Variants in CSF1R observed in about 807,000 individuals in gnomAD.
CSF1R encodes macrophage colony-stimulating factor 1 receptor.
A neutral mutation model predicts 110.0 loss-of-function variants in CSF1R; 40 were observed. That is an observed-to-expected ratio of 0.36 (90% CI 0.28 to 0.47). The LOEUF is 0.47. Ranked by LOEUF, CSF1R falls within the 20% of genes least tolerant of loss-of-function variation. The pLI is 0.99. For missense variants in CSF1R, 1,052 were observed against 1,253.0 expected (o/e 0.84, Z 2.42); for synonymous variants, 523 against 503.4 (o/e 1.04, Z -0.52).
intron 14 of CSF1R, among the ~76,000 whole-genome samples, chr5:150,058,983 T>G (rs1030914502): frequency 3.5e-4 from 54 of 152,166 alleles, no homozygotes; most frequent in Non-Finnish European, 7.2e-4. Flanking sequence ...CATGTGGCTC[T>G]GTCTGTTGGA....
chr5:150,079,804 G>A (rs1043658600), intron 3 of CSF1R, among the ~76,000 whole-genome samples: 3 of 152,216 alleles, frequency 2.0e-5, no homozygotes, highest in Non-Finnish European at 2.9e-5. Context: ...TATTTTTGTA[G>A]CATGTCCAAT....
chr5:150,084,323 T>G (rs1476495982), intron 1 of CSF1R, among the ~76,000 whole-genome samples: 1 of 128,390 alleles, frequency 7.8e-6, no homozygotes. Context: ...AGAGCAAGAC[T>G]CGGTCTCAAA....
At position 150,053,841 on chromosome 5, in the gene CSF1R, G is replaced by T. The variant is rs1032006548; in HGVS notation, c.*228C>A. The T allele has an allele frequency of 6.8e-6, 4 of 590,400 alleles. No individual in the cohort carries two copies. The highest frequency in any genetic ancestry group is 2.8e-5 in the East Asian group (1 of 35,218). 36.6% of individuals were successfully genotyped at this position (590,400 alleles called of 1,614,324 possible). Reference sequence around the variant, plus strand: ...ACCATGAGAACAGTAGGGGAGGGGGGGGTGAGGGCTCAGCCCCCAGCCCCT... The same window carrying T: ...ACCATGAGAACAGTAGGGGAGGGGGTGGTGAGGGCTCAGCCCCCAGCCCCT... On this transcript the variant is annotated 3_prime_UTR_variant, in exon 21 of 21. Transcript: ENST00000675795.
chr5:150,053,800 C>T lies in CSF1R; in HGVS notation c.*269G>A. On this transcript the variant is annotated 3_prime_UTR_variant, in exon 21 of 21. Coordinates refer to ENST00000675795, the MANE Select transcript of CSF1R (RefSeq NM_001288705.3). ...AAGAAGGTTCTACTAGTTGGCATAG[C>T]AAACACGAGGCCAACACCATGAGAA... 1.8e-6 allele frequency: 1 copy of T among 544,418 alleles called. No individual in the cohort carries two copies. Among genetic ancestry groups the T allele is most frequent in the East Asian group, 3.2e-5 (1 of 31,606 alleles). 33.7% of individuals were successfully genotyped at this position (544,418 alleles called of 1,614,324 possible). A position where few individuals can be genotyped will look rare whatever the true frequency, so the allele number is the denominator to read the frequency against.
chr5:150,101,567 G>T (rs1019377586), intron 1 of CSF1R, among the ~76,000 whole-genome samples: 4 of 152,010 alleles, frequency 2.6e-5, no homozygotes, highest in Non-Finnish European at 4.4e-5. Context: ...CAATCAGCAG[G>T]TCCACCAGTC....
chr5:150,053,960 T>G lies in CSF1R; in HGVS notation c.*109A>C. On this transcript the variant is annotated 3_prime_UTR_variant, in exon 21 of 21. Coordinates refer to ENST00000675795, the MANE Select transcript of CSF1R (RefSeq NM_001288705.3). The stretch of plus-strand genomic sequence containing the variant: ...AAGTTTCAGAGCTGGGCCGAGCTGT[T>G]GAGTGAAATGACCGAAGGCAGAGTT... 1 of 1,128,934 alleles carries G rather than the reference T, an allele frequency of 8.9e-7. No individual in the cohort carries two copies. Among genetic ancestry groups the G allele is most frequent in the Non-Finnish European group, 1.3e-6 (1 of 775,896 alleles). The allele number at this position is 1,128,934 out of a possible 1,614,324, so 69.9% of individuals were successfully genotyped here.
At chr5:150,056,160 T>C (rs1018009623) in intron 17 of CSF1R, 23 bp from the exon 18 acceptor site, 1 of 1,614,126 alleles carries the variant, frequency 6.2e-7, no homozygotes, top group Non-Finnish European at 8.5e-7. Context: ...TCCCCAGTTA[T>C]TTTGGGCCCC....
At chr5:150,092,211 G>A (rs1188295355) in intron 1 of CSF1R, among the ~76,000 whole-genome samples, 1 of 152,312 alleles carries the variant, frequency 6.6e-6, no homozygotes, top group African/African-American at 2.4e-5. Flanking sequence ...AAAACAGGAG[G>A]CAGGCTACAT....
At chr5:150,078,058 C>A in intron 4 of CSF1R, 54 bp downstream of exon 4, 7 of 1,606,718 alleles carry the variant, frequency 4.4e-6, no homozygotes, top group Non-Finnish European at 5.1e-6. Context: ...CCATGGGAAA[C>A]CTGGTGTGCT....
intron 1 of CSF1R, among the ~76,000 whole-genome samples, chr5:150,097,957 G>A (rs1448769119): frequency 1.3e-5 from 2 of 152,162 alleles, no homozygotes; most frequent in African/African-American, 4.8e-5. Context: ...AAATAATTTA[G>A]GAAAAGAACA....
At chr5:150,099,243 T>C (rs1213710723) in intron 1 of CSF1R, among the ~76,000 whole-genome samples, 1 of 151,986 alleles carries the variant, frequency 6.6e-6, no homozygotes, top group Non-Finnish European at 1.5e-5. Flanking sequence ...ATATATGTAT[T>C]GGTAGTCAGG....
intron 1 of CSF1R, among the ~76,000 whole-genome samples, chr5:150,099,037 G>A (rs1014980981): frequency 3.3e-5 from 5 of 150,392 alleles, no homozygotes; most frequent in African/African-American, 7.3e-5. Flanking sequence ...GGGATTGCAG[G>A]TGCCCGCCAC....
At chr5:150,054,765 T>C (rs1757118527) in intron 19 of CSF1R, 4 of 280,832 alleles carry the variant, frequency 1.4e-5, no homozygotes, top group African/African-American at 2.2e-5. Flanking sequence ...TGCAGGAGGA[T>C]TGCATAAGGC....
intron 14 of CSF1R, chr5:150,058,207 T>C (rs1400385491): frequency 2.2e-6 from 1 of 456,124 alleles, no homozygotes. Flanking sequence ...AATGCAGATT[T>C]TGAATCAGCA....
At chr5:150,078,079 C>G (rs1016220865) in intron 4 of CSF1R, 33 bp downstream of exon 4, 1 of 1,612,114 alleles carries the variant, frequency 6.2e-7, no homozygotes. Flanking sequence ...GGGAGGATGG[C>G]CAGACTTCAC....
intron 1 of CSF1R, among the ~76,000 whole-genome samples, chr5:150,100,924 G>A (rs1005155940): frequency 6.6e-6 from 1 of 152,148 alleles, no homozygotes; most frequent in Non-Finnish European, 1.5e-5. Flanking sequence ...CGCATGCTTG[G>A]TTACATGGTG....
At chr5:150,090,782 C>T (rs566823463), upstream of CSF1R, among the ~76,000 whole-genome samples, 12 of 151,328 alleles carry the variant, frequency 7.9e-5, no homozygotes, top group South Asian at 1.0e-3. Context: ...AGGGTCCACA[C>T]GGATATAAAG....
chr5:150,098,025 T>C (rs547117268), intron 1 of CSF1R, among the ~76,000 whole-genome samples: 3 of 152,314 alleles, frequency 2.0e-5, no homozygotes, highest in East Asian at 1.9e-4. Context: ...AATATAGTAC[T>C]GGTGAAAGGA....
At chr5:150,091,286 T>C (rs1561954161), upstream of CSF1R, among the ~76,000 whole-genome samples, 4 of 152,132 alleles carry the variant, frequency 2.6e-5, no homozygotes, top group Non-Finnish European at 5.9e-5. Flanking sequence ...CACTTCTAGG[T>C]AAAACCAAAA....
Sources: gnomAD v4.1 joint callset for allele counts (sites outside exome capture counted in the v4.1 genomes callset) on GRCh38, gnomAD v4.1.1 for gene constraint, MANE v1.5 for transcripts, NCBI Gene and HGNC (gene_info 2026-07-23, HGNC 2026-07-21) for gene names.